The following PLEKHJ1 variants were observed in gnomAD, a reference collection of about 807,000 sequenced individuals.
PLEKHJ1 encodes pleckstrin homology domain containing J1.
A neutral mutation model predicts 21.7 loss-of-function variants in PLEKHJ1; 20 were observed. That is an observed-to-expected ratio of 0.92 (90% CI 0.65 to 1.34). The LOEUF (loss-of-function observed/expected upper bound fraction) is 1.34, where lower values mean the gene tolerates loss of function less well. Ranked by LOEUF, PLEKHJ1 falls within the 40% of genes most tolerant of loss-of-function variation. PLEKHJ1 has a pLI of 0.00. For synonymous variants in PLEKHJ1, 113 were observed against 80.6 expected, an observed-to-expected ratio of 1.40 and a Z score of -2.15; for missense variants, 241 against 202.0, an observed-to-expected ratio of 1.19 and a Z score of -1.17.
Position 2,235,825 on chromosome 19 carries a change from C to G in PLEKHJ1, c.166G>C (p.Val56Leu). The change falls in exon 3 of 6, where the codon GTC (valine) becomes CTC (leucine). Residue 56 changes from valine to leucine, a missense_variant. Transcript: ENST00000326631. ...CAGCGCTCCAGCAGCAGGGCTCCGA[C>G]GGGCTGGAGGAGACACGGGCGCCGG... ...FYFRTDEAEP[V>L]GALLLERCRV... The G allele has an allele frequency of 2.6e-6, 4 of 1,556,308 alleles. No individual in the cohort carries two copies. The highest frequency in any genetic ancestry group is 3.5e-6 in the Non-Finnish European group (4 of 1,150,474).
rs749226104 is a variant in PLEKHJ1 at position 2,235,998 on chromosome 19, C to T, written c.95-8G>A. 2.7e-5 allele frequency: 44 copies of T among 1,604,096 alleles called. No homozygotes were observed. Among genetic ancestry groups the T allele is most frequent in the East Asian group, 9.2e-5 (4 of 43,580 alleles). ...CCAGCCGCCGCTTCAGCACTGCGGG[C>T]ACAGCGCGCACTCAGGGGCGCAGGC... On this transcript the variant is annotated splice_region_variant and splice_polypyrimidine_tract_variant and intron_variant, in intron 1 of 5. Transcript: ENST00000326631.
At position 2,235,805 on chromosome 19, in the gene PLEKHJ1, C is replaced by A. The variant is rs1030758843; in HGVS notation, c.186G>T (p.Glu62Asp). The change falls in exon 3 of 6, where the codon GAG becomes GAT. Residue 62 changes from glutamate to aspartate, a missense_variant. By Grantham distance (45) the Glu-to-Asp change is conservative. Transcript: ENST00000326631. ...GCTCTTCCCGGACGACTCTGCAGCG[C>A]TCCAGCAGCAGGGCTCCGACGGGCT... ...EAEPVGALLLERCRVVREEPG... is the reference protein window; with the variant it reads ...EAEPVGALLLDRCRVVREEPG... 3.9e-6 allele frequency: 6 copies of A among 1,551,846 alleles called. No individual in the cohort carries two copies. The highest frequency in any genetic ancestry group is 5.2e-6 in the Non-Finnish European group (6 of 1,147,966).
intron 3 of PLEKHJ1, chr19:2,235,179 G>C (rs2024754217): frequency 6.6e-6 from 1 of 152,386 alleles, no homozygotes; most frequent in African/African-American, 2.4e-5. Context: ...CTAGGAACTG[G>C]GAGATTCCCC....
At chr19:2,230,659 A>T (rs1295482065), downstream of PLEKHJ1, 1 of 398,286 alleles carries the variant, frequency 2.5e-6, no homozygotes, top group Non-Finnish European at 4.4e-6. Flanking sequence ...TTTTATAGAG[A>T]TGTGATGAGA....
chr19:2,236,272 G>T lies in PLEKHJ1; in HGVS notation c.-24C>A. The T allele has an allele frequency of 1.5e-6, 2 of 1,336,772 alleles. No individual in the cohort carries two copies. The highest frequency in any genetic ancestry group is 1.9e-6 in the Non-Finnish European group (2 of 1,039,918). The allele number at this position is 1,336,772 out of a possible 1,614,324, so 82.8% of individuals were successfully genotyped here. On this transcript the variant is annotated 5_prime_UTR_variant, in exon 1 of 6. Coordinates refer to ENST00000326631, the MANE Select transcript of PLEKHJ1 (RefSeq NM_018049.3). The stretch of plus-strand genomic sequence containing the variant: ...ATGGCTCCGCGGGGAACGGGAACCC[G>T]GGCCGCGCCCTCCCGGCCGCCGTCC...
At chr19:2,236,124 G>C (rs1217457922) in intron 1 of PLEKHJ1, 31 bp downstream of exon 1, 1 of 1,451,470 alleles carries the variant, frequency 6.9e-7, no homozygotes, top group Admixed American at 2.9e-5. Context: ...CCCGCCCCTG[G>C]CACTGTCTCG....
At chr19:2,230,110 C>T, downstream of PLEKHJ1, 1 of 540,568 alleles carries the variant, frequency 1.8e-6, no homozygotes, top group South Asian at 2.6e-5. Context: ...TATATAAAGA[C>T]ACGTGTCTGC....
At position 2,233,272 on chromosome 19, in the gene PLEKHJ1, C is replaced by G. The variant is rs1250209957; in HGVS notation, c.*568G>C. The G allele has an allele frequency of 1.3e-5, 2 of 154,534 alleles. No individual in the cohort carries two copies. Among genetic ancestry groups the G allele is most frequent in the East Asian group, 3.8e-4 (2 of 5,236 alleles). The allele number at this position is 154,534 out of a possible 1,614,324, so 9.6% of individuals were successfully genotyped here. A position where few individuals can be genotyped will look rare whatever the true frequency, so the allele number is the denominator to read the frequency against. On this transcript the variant is annotated 3_prime_UTR_variant, in exon 6 of 6. Coordinates refer to ENST00000326631, the MANE Select transcript of PLEKHJ1 (RefSeq NM_018049.3). The stretch of plus-strand genomic sequence containing the variant: ...AGGAGAATTCACAGCTGGTGTGGGA[C>G]TCAGCCCCTAGGCCATTCACAGCTT...
chr19:2,233,845 C>T lies in PLEKHJ1; in HGVS notation c.445G>A (p.Ala149Thr). 2 of 1,608,776 alleles carry T rather than the reference C, an allele frequency of 1.2e-6. No individual in the cohort carries two copies. The highest frequency in any genetic ancestry group is 8.5e-7 in the Non-Finnish European group (1 of 1,178,966). ...EARFQLSGLQ[A>T] ...CTGACCACCGTGCCCTGCGCTCACG[C>T]CTGCAAGCCACTCAGCTGGAACCTG... Residue 149 changes from alanine to threonine, a missense_variant, in exon 6 of 6, where the codon GCG (alanine) becomes ACG (threonine). Coordinates refer to ENST00000326631, the MANE Select transcript of PLEKHJ1 (RefSeq NM_018049.3).
At chr19:2,232,486 C>T (rs2024648873), downstream of PLEKHJ1, 1 of 222,430 alleles carries the variant, frequency 4.5e-6, no homozygotes, top group East Asian at 6.5e-5. Flanking sequence ...TCACGGTCCG[C>T]CCCTGGGCTG....
At position 2,233,860 on chromosome 19, in the gene PLEKHJ1, G is replaced by C. The variant is rs745818143; in HGVS notation, c.430C>G (p.Leu144Val). 3.1e-6 allele frequency: 5 copies of C among 1,611,224 alleles called. No individual in the cohort carries two copies. In the East Asian group the frequency reaches 1.1e-4, roughly 36 times the overall value. ...FGISEEARFQ[L>V]SGLQA is the part of the protein sequence containing the mutation. ...TGCGCTCACGCCTGCAAGCCACTCA[G>C]CTGGAACCTGGCCTCCTCGGATATG... is the stretch of plus-strand genomic sequence containing the variant. The change falls in exon 6 of 6, where the codon CTG becomes GTG. Residue 144 changes from leucine (L) to valine (V), a missense_variant. Leu to Val is a conservative substitution (Grantham distance 32). Transcript: ENST00000326631.
Position 2,233,789 on chromosome 19 carries a change from C to T in PLEKHJ1, c.*51G>A. The T allele has an allele frequency of 6.6e-7, 1 of 1,517,282 alleles. No homozygotes were observed. Among genetic ancestry groups the T allele is most frequent in the Non-Finnish European group, 8.9e-7 (1 of 1,122,112 alleles). 94.0% of individuals were successfully genotyped at this position (1,517,282 alleles called of 1,614,324 possible). The stretch of plus-strand genomic sequence containing the variant: ...CCAGGCATGGCCAAGCGATTCATGG[C>T]TGGGCAGGGCCAGTCCCGTCCCGCT... On this transcript the variant is annotated 3_prime_UTR_variant, in exon 6 of 6. Transcript: ENST00000326631.
intron 1 of PLEKHJ1, 78 bp from the exon 2 acceptor site, chr19:2,236,068 C>A: frequency 7.0e-7 from 1 of 1,434,920 alleles, no homozygotes; most frequent in Non-Finnish European, 9.1e-7. Flanking sequence ...CGCCCCGACC[C>A]GGACTCCGGC....
intron 2 of PLEKHJ1, 28 bp from the exon 3 acceptor site, chr19:2,235,856 G>A (rs2024793364): frequency 7.6e-6 from 12 of 1,574,776 alleles, no homozygotes; most frequent in East Asian, 2.4e-5. Context: ...GCCGGGACGG[G>A]GCAGTGAGCA....
At position 2,235,980 on chromosome 19, in the gene PLEKHJ1, C is replaced by G; in HGVS notation, c.105G>C (p.Arg35=). 1 of 1,610,548 alleles carries G rather than the reference C, an allele frequency of 6.2e-7. No homozygotes were observed. The highest frequency in any genetic ancestry group is 8.5e-7 in the Non-Finnish European group (1 of 1,179,050). ...AATTCACCACCAGCTTCACCAGCCG[C>G]CGCTTCAGCACTGCGGGCACAGCGC... ...RGPKKGSVLK[R]RLVKLVVNFL... The change falls in exon 2 of 6, where the codon CGG becomes CGC. Residue 35 remains arginine (R), a synonymous_variant. Transcript: ENST00000326631.
rs1230415688 is a variant in PLEKHJ1 at position 2,233,327 on chromosome 19, G to A, written c.*513C>T. The A allele has an allele frequency of 5.8e-6, 1 of 173,476 alleles. No individual in the cohort carries two copies. Among genetic ancestry groups the A allele is most frequent in the Non-Finnish European group, 1.2e-5 (1 of 81,460 alleles). 10.7% of individuals were successfully genotyped at this position (173,476 alleles called of 1,614,324 possible). A position where few individuals can be genotyped will look rare whatever the true frequency, so the allele number is the denominator to read the frequency against. On this transcript the variant is annotated 3_prime_UTR_variant, in exon 6 of 6. Coordinates refer to ENST00000326631, the MANE Select transcript of PLEKHJ1 (RefSeq NM_018049.3). The stretch of plus-strand genomic sequence containing the variant: ...TGGCTCTGTACATTCATTCAGCACG[G>A]GGCAGGGGGGCCATGCCACCAGCCT...
chr19:2,229,999 AT>A, downstream of PLEKHJ1: 1 of 761,484 alleles, frequency 1.3e-6, no homozygotes, highest in Non-Finnish European at 2.1e-6. Flanking sequence ...TAAAGTATTT[AT>A]CATTTTTTAA....
intron 3 of PLEKHJ1, chr19:2,235,030 A>T (rs1298814730): frequency 6.6e-6 from 1 of 152,120 alleles, no homozygotes; most frequent in African/African-American, 2.4e-5. Flanking sequence ...AATAAAGTGA[A>T]GTAAAAAGGG....
downstream of PLEKHJ1, chr19:2,230,169 C>T (rs549121544): frequency 3.8e-4 from 183 of 484,826 alleles, no homozygotes; most frequent in Admixed American, 1.5e-3. Context: ...GGTGCTATCT[C>T]GTCCCCAGGC....
Sources: allele counts gnomAD v4.1 joint callset, GRCh38; gene constraint gnomAD v4.1.1; transcripts MANE v1.5; gene names NCBI Gene and HGNC (gene_info 2026-07-23, HGNC 2026-07-21).